AHRR: variants seen among roughly 807,000 people sequenced by gnomAD.
AHRR encodes aryl hydrocarbon receptor repressor.
A neutral mutation model predicts 44.0 loss-of-function variants in AHRR; 28 were observed. That is an observed-to-expected ratio of 0.64 (90% CI 0.47 to 0.87). AHRR has a LOEUF of 0.87. Ranked by LOEUF, AHRR falls within the 40% of genes least tolerant of loss-of-function variation. The pLI, the probability that AHRR is intolerant of heterozygous loss-of-function variation, is 0.00. For missense variants in AHRR, 990 were observed against 953.9 expected, an observed-to-expected ratio of 1.04 and a Z score of -0.50; for synonymous variants, 434 against 407.0, an observed-to-expected ratio of 1.07 and a Z score of -0.80.
rs3840994 is a variant in AHRR, at chr5:404,337, CTTT to C, written c.352-8999_352-8997del. The C allele has an allele frequency of 4.3e-6, 2 of 460,292 alleles. No homozygotes were observed. Among genetic ancestry groups the C allele is most frequent in the Admixed American group, 5.4e-5 (2 of 37,104 alleles). The allele number at this position is 460,292 out of a possible 1,614,324, so 28.5% of individuals were successfully genotyped here. A position where few individuals can be genotyped will look rare whatever the true frequency, so the allele number is the denominator to read the frequency against. ...CAGTGTTACTAAAAGCTGTTTCACT[CTTT>C]TTTTTTTCTTTTTTCCTTCATTCTG... On this transcript the variant is annotated intron_variant, in intron 4 of 10. Transcript: ENST00000684583. This position sits in a 1 kb window ranked among gnomAD's most constrained non-coding sequence, Gnocchi z 4.1.
intron 3 of AHRR, 125 bp downstream of exon 3, chr5:354,036 C>A (rs559753329): frequency 2.0e-6 from 2 of 996,694 alleles, no homozygotes; most frequent in African/African-American, 1.6e-5. Flanking sequence ...TCCCTTCTTC[C>A]CCCACGCTGC....
chr5:392,374 G>A (rs1464205474), intron 4 of AHRR, among the ~76,000 whole-genome samples: 17 of 128,700 alleles, frequency 1.3e-4, no homozygotes, highest in Non-Finnish European at 2.5e-4. Context: ...GTGCACGGGC[G>A]CAGGGCGAGG....
rs551791000 is a variant in AHRR, at chr5:359,854, A to G, written c.244+5943A>G. On this transcript the variant is annotated intron_variant, in intron 3 of 10. Transcript: ENST00000684583. ...GTGTCCTGGGTTCTTGAACTCTGGA[A>G]TCCCACACTTGCTAGCAGGTCAAAA... 2.0e-5 allele frequency among the ~76,000 whole-genome samples: 3 copies of G among 152,324 alleles called. No individual in the cohort carries two copies. The East Asian group carries it at 5.8e-4, about 29-fold the overall frequency.
intron 4 of AHRR, among the ~76,000 whole-genome samples, chr5:408,881 G>A (rs950936413): frequency 5.3e-5 from 8 of 152,116 alleles, no homozygotes; most frequent in African/African-American, 1.9e-4. Flanking sequence ...TTTAAGCTTG[G>A]TATCTCTAAT....
chr5:378,820 C>T (rs554750026), intron 4 of AHRR, among the ~76,000 whole-genome samples: 71 of 152,320 alleles, frequency 4.7e-4, no homozygotes, highest in African/African-American at 1.7e-3. Context: ...ACTGGAGCCA[C>T]GGATGTGGCC....
chr5:384,260 T>C (rs899514646), intron 4 of AHRR, among the ~76,000 whole-genome samples: 6 of 152,340 alleles, frequency 3.9e-5, no homozygotes, highest in Admixed American at 3.9e-4. Context: ...ATTTTCTTAT[T>C]TTTTAGTAGT....
At chr5:366,460 C>T (rs561199149) in intron 3 of AHRR, among the ~76,000 whole-genome samples, 17 of 151,928 alleles carry the variant, frequency 1.1e-4, no homozygotes, top group South Asian at 4.2e-4. Flanking sequence ...ATAAGTTTTT[C>T]CTCACAACAG....
intron 5 of AHRR, chr5:421,280 C>T (rs1382333830): frequency 4.3e-6 from 3 of 698,508 alleles, no homozygotes; most frequent in Non-Finnish European, 7.8e-6. Context: ...AGGCACGGAA[C>T]GGGCGAGGCT....
chr5:414,500 T>C (rs1007644626), intron 5 of AHRR, among the ~76,000 whole-genome samples: 61 of 152,164 alleles, frequency 4.0e-4, no homozygotes, highest in East Asian at 5.8e-4. Flanking sequence ...TTATCTGCAC[T>C]TCCACAAGCC....
chr5:387,426 C>G lies in AHRR; in HGVS notation c.351+10710C>G, dbSNP rs1241389296. ...AAAAAATAATGAGGATTGCCCTCTT[C>G]TTGTACAGCAGGGACCCCATTGTGG... On this transcript the variant is annotated intron_variant, in intron 4 of 10. Coordinates refer to ENST00000684583, the MANE Select transcript of AHRR (RefSeq NM_001377236.1). This position sits in a 1 kb window ranked among gnomAD's most constrained non-coding sequence, Gnocchi z 5.1. 1.3e-5 allele frequency among the ~76,000 whole-genome samples: 2 copies of G among 152,260 alleles called. No homozygotes were observed. Among genetic ancestry groups the G allele is most frequent in the African/African-American group, 2.4e-5 (1 of 41,476 alleles).
chr5:355,470 G>A (rs1246130738), intron 3 of AHRR, among the ~76,000 whole-genome samples: 2 of 152,310 alleles, frequency 1.3e-5, no homozygotes, highest in East Asian at 1.9e-4. Flanking sequence ...GCTTTGTCCC[G>A]AGCTGAAGAC....
At chr5:394,990 G>C (rs990261743) in intron 4 of AHRR, among the ~76,000 whole-genome samples, 1 of 152,224 alleles carries the variant, frequency 6.6e-6, no homozygotes, top group African/African-American at 2.4e-5. Flanking sequence ...CCCGGCCCCA[G>C]CCTCCTGCTG....
intron 3 of AHRR, 53 bp from the exon 4 acceptor site, chr5:376,557 A>AACGCGGGGAAACACAG: frequency 7.0e-7 from 1 of 1,423,184 alleles, no homozygotes; most frequent in Non-Finnish European, 9.5e-7. Context: ...AATGAAGAAG[A>AACGCGGGGAAACACAG]GTGGCCAGGC....
rs372843670 is a variant in AHRR, at chr5:344,653, C to T, written c.62+689C>T. ...GTGTGTGTGTGTGAGGCTGTGTGTG[C>T]GCGGGGGGAGCTGTGTGTGTGTGGG... is the stretch of plus-strand genomic sequence containing the variant. On this transcript the variant is annotated intron_variant, in intron 2 of 10. Transcript: ENST00000684583. Among the ~76,000 whole-genome samples, 3 of 612 alleles carry T rather than the reference C, an allele frequency of 4.9e-3. 1 individual carries two copies. The highest frequency in any genetic ancestry group is 0.037 in the Admixed American group (2 of 54). The allele number at this position is 612 out of a possible 152,430, so 0.4% of individuals were successfully genotyped here. A position where few individuals can be genotyped will look rare whatever the true frequency, so the allele number is the denominator to read the frequency against.
intron 3 of AHRR, among the ~76,000 whole-genome samples, chr5:360,198 C>T (rs967338344): frequency 4.6e-5 from 7 of 152,168 alleles, no homozygotes; most frequent in African/African-American, 1.4e-4. Context: ...CCCTCTGTCC[C>T]TCTCTGTGCT....
chr5:431,330 A>G (rs1736722066), intron 8 of AHRR, among the ~76,000 whole-genome samples: 1 of 152,196 alleles, frequency 6.6e-6, no homozygotes, highest in South Asian at 2.1e-4. Context: ...CTGGCACACA[A>G]CTTCAGCTCA....
rs1165503130 is a variant in AHRR at position 411,313 on chromosome 5, A to G, written c.352-2031A>G. Among the ~76,000 whole-genome samples the G allele has an allele frequency of 1.3e-5, 2 of 151,694 alleles. No homozygotes were observed. Among genetic ancestry groups the G allele is most frequent in the Non-Finnish European group, 2.9e-5 (2 of 67,978 alleles). Reference sequence around the variant, plus strand: ...TCTGCTTGTGTGTAATTGGAGGTTTATTACACTTCCTGTGTCCTCATTATG... The same window carrying G: ...TCTGCTTGTGTGTAATTGGAGGTTTGTTACACTTCCTGTGTCCTCATTATG... On this transcript the variant is annotated intron_variant, in intron 4 of 10. Transcript: ENST00000684583. This position sits in a 1 kb window ranked among gnomAD's most constrained non-coding sequence, Gnocchi z 4.2.
intron 2 of AHRR, among the ~76,000 whole-genome samples, chr5:346,464 C>T (rs1357806191): frequency 1.3e-5 from 2 of 152,194 alleles, no homozygotes; most frequent in Admixed American, 1.3e-4. Context: ...CCAGACGGCC[C>T]CACCACAGGG....
In AHRR at chr5:433,821, G is replaced by C. The variant is rs751172659; in HGVS notation, c.1113-32G>C. ...GCAGCCAGACCTGGTGTCTTCAGCT[G>C]CTGTCAAATGGGCCCCGTCTTTTCT... On this transcript the variant is annotated intron_variant, in intron 10 of 10. Coordinates refer to ENST00000684583, the MANE Select transcript of AHRR (RefSeq NM_001377236.1). 7 of 1,473,568 alleles carry C rather than the reference G, an allele frequency of 4.8e-6. No homozygotes were observed. In the African/African-American group the frequency reaches 8.7e-5, roughly 18 times the overall value. 91.3% of individuals were successfully genotyped at this position (1,473,568 alleles called of 1,614,324 possible). A position where few individuals can be genotyped will look rare whatever the true frequency, so the allele number is the denominator to read the frequency against.
Sources: allele counts gnomAD v4.1 joint callset (sites outside exome capture counted in the v4.1 genomes callset), GRCh38; gene constraint gnomAD v4.1.1; non-coding constraint Gnocchi (gnomAD v3.1); transcripts MANE v1.5; gene names NCBI Gene and HGNC (gene_info 2026-07-23, HGNC 2026-07-21).